The following PTPDC1 variants were observed in gnomAD, a reference collection of about 807,000 sequenced individuals.
PTPDC1 encodes the protein protein tyrosine phosphatase domain containing 1.
A neutral mutation model predicts 75.3 loss-of-function variants in PTPDC1; 53 were observed. That is an observed-to-expected ratio of 0.70 (90% CI 0.56 to 0.88). The LOEUF is 0.88. PTPDC1 is among the 40% of genes least tolerant of loss of function. The pLI, the probability that PTPDC1 is intolerant of heterozygous loss-of-function variation, is 0.00. For synonymous variants in PTPDC1, 349 were observed against 366.2 expected, an observed-to-expected ratio of 0.95 and a Z score of 0.54; for missense variants, 925 against 998.6, an observed-to-expected ratio of 0.93 and a Z score of 0.99.
chr9:94,049,017 G>A lies in PTPDC1; in HGVS notation c.-6-15717G>A, dbSNP rs577158772. On this transcript the variant is annotated intron_variant, in intron 1 of 9. Transcript: ENST00000375360. Reference sequence around the variant, plus strand: ...TTTAAAGTCTGTTTTATCAGAGACTGGGATTGCAACCCCTGCTTATTTTTT... The same window carrying A: ...TTTAAAGTCTGTTTTATCAGAGACTAGGATTGCAACCCCTGCTTATTTTTT... Among the ~76,000 whole-genome samples, 101 of 148,862 alleles carry A rather than the reference G, an allele frequency of 6.8e-4. 1 individual carries two copies. Among genetic ancestry groups the A allele is most frequent in the African/African-American group, 2.1e-3 (84 of 40,578 alleles).
chr9:94,058,982 C>T (rs923148916), intron 1 of PTPDC1, among the ~76,000 whole-genome samples: 5 of 152,160 alleles, frequency 3.3e-5, no homozygotes, highest in Non-Finnish European at 7.4e-5. Flanking sequence ...TAGAATGAGA[C>T]TCTGTCTCAC....
At chr9:94,065,845 A>T (rs1826283816) in intron 2 of PTPDC1, among the ~76,000 whole-genome samples, 1 of 152,232 alleles carries the variant, frequency 6.6e-6, no homozygotes, top group Admixed American at 6.5e-5. Flanking sequence ...TAAAACAAAC[A>T]CAAGAATGAT....
upstream of PTPDC1, among the ~76,000 whole-genome samples, chr9:94,084,213 G>T (rs1341453096): frequency 1.3e-5 from 2 of 152,098 alleles, no homozygotes; most frequent in African/African-American, 2.4e-5. Context: ...CAGTATTTTG[G>T]GGAGTAATTC....
chr9:94,077,239 A>G (rs1826725914), intron 2 of PTPDC1, among the ~76,000 whole-genome samples: 1 of 152,210 alleles, frequency 6.6e-6, no homozygotes. Flanking sequence ...TTCTGACACC[A>G]GATGTGCGGG....
At chr9:94,043,365 A>T (rs1410587204) in intron 1 of PTPDC1, among the ~76,000 whole-genome samples, 1 of 152,206 alleles carries the variant, frequency 6.6e-6, no homozygotes, top group Non-Finnish European at 1.5e-5. Context: ...TGTTTTCAGC[A>T]AGGTGTCTGT....
At chr9:94,043,578 A>G (rs10123954) in intron 1 of PTPDC1, among the ~76,000 whole-genome samples, 87,178 of 151,950 alleles carry the variant, frequency 0.57, 25,389 homozygotes, top group Admixed American at 0.69. Context: ...TAAATGAGCC[A>G]GACGTGGTGG....
intron 1 of PTPDC1, among the ~76,000 whole-genome samples, chr9:94,035,404 A>G (rs981183715): frequency 3.9e-5 from 6 of 152,292 alleles, no homozygotes; most frequent in African/African-American, 9.6e-5. Flanking sequence ...GATTCCTCAT[A>G]TAAGTGGAAC....
chr9:94,064,258 T>C (rs1415645426), intron 1 of PTPDC1, among the ~76,000 whole-genome samples: 1 of 152,182 alleles, frequency 6.6e-6, no homozygotes, highest in Admixed American at 6.5e-5. Context: ...ACCCTACTAC[T>C]TAGTGTGTGT....
chr9:94,062,377 A>G (rs1826169426), intron 1 of PTPDC1, among the ~76,000 whole-genome samples: 1 of 152,216 alleles, frequency 6.6e-6, no homozygotes, highest in Admixed American at 6.5e-5. Flanking sequence ...CTCATCTTCC[A>G]GTCTTCTGAC....
At chr9:94,084,802 C>A in intron 1 of PTPDC1, 28 bp downstream of exon 1, 1 of 1,446,386 alleles carries the variant, frequency 6.9e-7, no homozygotes, top group Non-Finnish European at 9.4e-7. Context: ...GATTGCCATA[C>A]CTATGTATAT....
chr9:94,058,956 A>G (rs779611106), intron 1 of PTPDC1, among the ~76,000 whole-genome samples: 22 of 152,204 alleles, frequency 1.4e-4, no homozygotes, highest in Admixed American at 3.3e-4. Context: ...GTGCTACTGC[A>G]CTCCAGCCTG....
intron 2 of PTPDC1, among the ~76,000 whole-genome samples, chr9:94,075,040 G>C (rs770952988): frequency 5.3e-4 from 81 of 152,160 alleles, no homozygotes; most frequent in Non-Finnish European, 1.1e-3. Flanking sequence ...TGTTAAGACT[G>C]GTTACTGCTG....
rs553387330 is a variant in PTPDC1 at position 94,105,915 on chromosome 9, G to A, written c.2310+1530G>A. 5.3e-5 allele frequency among the ~76,000 whole-genome samples: 8 copies of A among 152,006 alleles called. No individual in the cohort carries two copies. In the East Asian group the frequency reaches 1.4e-3, roughly 26 times the overall value. The stretch of plus-strand genomic sequence containing the variant: ...GTGAACCCGGGAGGCGGAGCTTGCA[G>A]TGAGCCAAGATTGCACCACTGCACT... On this transcript the variant is annotated intron_variant, in intron 8 of 8. Transcript: ENST00000620992.
At position 94,104,320 on chromosome 9, in the gene PTPDC1, C is replaced by G; in HGVS notation, c.2245C>G (p.Leu749Val). The G allele has an allele frequency of 6.2e-7, 1 of 1,613,892 alleles. No individual in the cohort carries two copies. The highest frequency in any genetic ancestry group is 1.1e-5 in the South Asian group (1 of 91,080). Residue 749 changes from leucine to valine, a missense_variant, in exon 8 of 9, where the codon CTG becomes GTG. Leu to Val is a conservative substitution (Grantham distance 32). Coordinates refer to ENST00000620992, the MANE Select transcript of PTPDC1 (RefSeq NM_001253829.2). ...ILCVLHCIVN[L>V]QTIPVDVEEA... ...CTGCGTGTTGCACTGCATAGTGAAC[C>G]TGCAGACAATTCCCGTGGATGTGGA...
At chr9:94,085,165 C>A in intron 1 of PTPDC1, 86 bp from the exon 2 acceptor site, 1 of 1,215,462 alleles carries the variant, frequency 8.2e-7, no homozygotes, top group Non-Finnish European at 1.2e-6. Context: ...CATCTACCAT[C>A]CTGAGATAAA....
At chr9:94,059,083 T>G (rs1370627921) in intron 1 of PTPDC1, among the ~76,000 whole-genome samples, 1 of 152,162 alleles carries the variant, frequency 6.6e-6, no homozygotes, top group Non-Finnish European at 1.5e-5. Context: ...TAAGCAACTG[T>G]TGGAGTGAAA....
intron 1 of PTPDC1, among the ~76,000 whole-genome samples, chr9:94,042,392 G>C (rs1207084574): frequency 1.3e-5 from 2 of 152,080 alleles, no homozygotes; most frequent in Non-Finnish European, 2.9e-5. Context: ...GTTGGTTCCA[G>C]ACCACCACAA....
chr9:94,083,382 T>C (rs907996879), upstream of PTPDC1, among the ~76,000 whole-genome samples: 5 of 152,062 alleles, frequency 3.3e-5, no homozygotes, highest in Admixed American at 6.5e-5. Context: ...CCTGTCTTAT[T>C]CGACAAAAGT....
chr9:94,068,296 A>G (rs1334140313), intron 2 of PTPDC1, among the ~76,000 whole-genome samples: 1 of 152,182 alleles, frequency 6.6e-6, no homozygotes, highest in Non-Finnish European at 1.5e-5. Context: ...ATATCCTTTA[A>G]TAGGAAAATG....
Sources: gnomAD v4.1 joint callset for allele counts (sites outside exome capture counted in the v4.1 genomes callset) on GRCh38, gnomAD v4.1.1 for gene constraint, MANE v1.5 for transcripts, NCBI Gene and HGNC (gene_info 2026-07-23, HGNC 2026-07-21) for gene names.